DOCK10: variants seen among roughly 807,000 people sequenced by gnomAD.
DOCK10 encodes dedicator of cytokinesis protein 10.
DOCK10 carries 145 observed loss-of-function variants against 280.1 expected under a neutral mutation model. That is an observed-to-expected ratio of 0.52 (90% CI 0.45 to 0.59). The LOEUF (loss-of-function observed/expected upper bound fraction) is 0.59, where lower values mean the gene tolerates loss of function less well. DOCK10 is among the 20% of genes least tolerant of loss of function. The pLI, the probability that DOCK10 is intolerant of heterozygous loss-of-function variation, is 0.00. For missense variants in DOCK10, 2,368 were observed against 2,651.7 expected (o/e 0.89, Z 2.35); for synonymous variants, 915 against 942.2 (o/e 0.97, Z 0.53).
chr2:224,879,626 T>G (rs1698856519), intron 7 of DOCK10, among the ~76,000 whole-genome samples: 1 of 151,974 alleles, frequency 6.6e-6, no homozygotes, highest in Non-Finnish European at 1.5e-5. Context: ...GGCATGGTGG[T>G]GCATGCCTGT....
chr2:224,991,335 G>A (rs1041471830), intron 1 of DOCK10, among the ~76,000 whole-genome samples: 24 of 152,158 alleles, frequency 1.6e-4, no homozygotes, highest in African/African-American at 4.8e-4. Flanking sequence ...TTAATTCTCT[G>A]AGACTTATTT....
intron 11 of DOCK10, among the ~76,000 whole-genome samples, chr2:224,869,249 C>T (rs769398922): frequency 1.3e-5 from 2 of 152,152 alleles, no homozygotes; most frequent in African/African-American, 2.4e-5. Flanking sequence ...TTTTATACTA[C>T]AAAACCATCA....
chr2:224,793,905 C>T (rs995392664), intron 45 of DOCK10, among the ~76,000 whole-genome samples: 1 of 152,130 alleles, frequency 6.6e-6, no homozygotes, highest in Non-Finnish European at 1.5e-5. Context: ...ATGGTCACCT[C>T]ACGAGTACTT....
At chr2:224,797,781 T>C in intron 42 of DOCK10, 51 bp downstream of exon 42, 2 of 1,575,468 alleles carry the variant, frequency 1.3e-6, no homozygotes, top group South Asian at 1.2e-5. Context: ...TACTATTCTA[T>C]GGGTTTACTG....
intron 50 of DOCK10, chr2:224,784,784 G>A: frequency 7.8e-7 from 1 of 1,288,934 alleles, no homozygotes; most frequent in Non-Finnish European, 1.0e-6. Flanking sequence ...GTAAACATCT[G>A]CATTAAAAAC....
chr2:224,950,244 A>G (rs1703653074), intron 1 of DOCK10, among the ~76,000 whole-genome samples: 2 of 152,240 alleles, frequency 1.3e-5, no homozygotes, highest in African/African-American at 4.8e-5. Flanking sequence ...AAACATAACC[A>G]TACATTTCAG....
chr2:224,839,768 T>C (rs1387176698), intron 24 of DOCK10, among the ~76,000 whole-genome samples, 186 bp downstream of exon 24: 1 of 151,992 alleles, frequency 6.6e-6, no homozygotes, highest in African/African-American at 2.4e-5. Context: ...GAAAAAGAGG[T>C]CTAACACTTT....
In DOCK10 at chr2:224,931,654, C is replaced by T; in HGVS notation, c.138G>A (p.Arg46=). The change falls in exon 2 of 56, where the codon AGG becomes AGA. Residue 46 remains arginine (R), a synonymous_variant. Coordinates refer to ENST00000258390, the MANE Select transcript of DOCK10 (RefSeq NM_014689.3). The part of the protein sequence containing the change: ...SRQQQRQEKP[R]LLEPLDYETV... ...TCTCATAATCCAAAGGCTCGAGAAGCCTAGGCTTTTCTTGCTGTAGAAAAA... is the reference window on the plus strand; with the variant it reads ...TCTCATAATCCAAAGGCTCGAGAAGTCTAGGCTTTTCTTGCTGTAGAAAAA... 1 of 1,606,536 alleles carries T rather than the reference C, an allele frequency of 6.2e-7. No homozygotes were observed. Among genetic ancestry groups the T allele is most frequent in the Non-Finnish European group, 8.5e-7 (1 of 1,176,362 alleles).
At position 225,035,554 on chromosome 2, in the gene DOCK10, A is replaced by AT. The variant is rs1459295270; in HGVS notation, c.123+6697dup. Among the ~76,000 whole-genome samples the AT allele has an allele frequency of 1.2e-4, 3 of 25,242 alleles. 1 individual carries two copies. The highest frequency in any genetic ancestry group is 1.7e-3 in the South Asian group (1 of 602). 16.6% of individuals were successfully genotyped at this position (25,242 alleles called of 152,430 possible). ...GATATGATATATATTATATATATAT[A>AT]TATATATATATATATATATATATAT... is the stretch of plus-strand genomic sequence containing the variant. On this transcript the variant is annotated intron_variant, in intron 1 of 55. Coordinates refer to ENST00000258390, the MANE Select transcript of DOCK10 (RefSeq NM_014689.3).
At chr2:224,880,903 G>C (rs1375878793) in intron 7 of DOCK10, among the ~76,000 whole-genome samples, 1 of 151,756 alleles carries the variant, frequency 6.6e-6, no homozygotes, top group Non-Finnish European at 1.5e-5. Flanking sequence ...CCAGGTTTCT[G>C]GTATCGATGG....
intron 1 of DOCK10, among the ~76,000 whole-genome samples, chr2:225,000,940 C>T (rs1706414904): frequency 6.6e-6 from 1 of 152,216 alleles, no homozygotes; most frequent in Non-Finnish European, 1.5e-5. Context: ...CGTGCCACTG[C>T]ACTGTAGCCT....
chr2:224,919,582 A>T (rs1403505268), intron 2 of DOCK10, among the ~76,000 whole-genome samples: 1 of 147,508 alleles, frequency 6.8e-6, no homozygotes, highest in East Asian at 2.1e-4. Flanking sequence ...GTATGTGTGT[A>T]CATGTGTGAA....
chr2:224,904,373 C>G (rs1700469274), intron 3 of DOCK10, among the ~76,000 whole-genome samples: 1 of 152,048 alleles, frequency 6.6e-6, no homozygotes, highest in East Asian at 1.9e-4. Flanking sequence ...AACATACATA[C>G]AAATATTTTT....
chr2:224,802,060 A>T lies in DOCK10; in HGVS notation c.4269-20T>A. ...TGCATCCTGAAAACAAAAAAAGAAAAGTGGTTAGAGTTATTTGGGGATGTT... is the reference window on the plus strand; with the variant it reads ...TGCATCCTGAAAACAAAAAAAGAAATGTGGTTAGAGTTATTTGGGGATGTT... On this transcript the variant is annotated intron_variant, in intron 39 of 55. Coordinates refer to ENST00000258390, the MANE Select transcript of DOCK10 (RefSeq NM_014689.3). The T allele has an allele frequency of 6.2e-7, 1 of 1,609,762 alleles. No homozygotes were observed.
At chr2:224,915,931 C>T (rs1256736206) in intron 3 of DOCK10, among the ~76,000 whole-genome samples, 1 of 152,250 alleles carries the variant, frequency 6.6e-6, no homozygotes, top group Non-Finnish European at 1.5e-5. Context: ...CTATCAGTCC[C>T]TGATGTAGTT....
chr2:224,795,527 A>G (rs947787410), intron 44 of DOCK10, among the ~76,000 whole-genome samples: 1 of 152,190 alleles, frequency 6.6e-6, no homozygotes, highest in African/African-American at 2.4e-5. Context: ...AAAGAGATTC[A>G]GTTGTGGGAC....
intron 40 of DOCK10, among the ~76,000 whole-genome samples, chr2:224,801,613 C>G (rs1002858813): frequency 4.6e-5 from 7 of 152,140 alleles, no homozygotes; most frequent in Non-Finnish European, 1.0e-4. Context: ...TTATCCCCTC[C>G]CCACAGAGGA....
chr2:224,806,971 A>G (rs1456739017), intron 33 of DOCK10, among the ~76,000 whole-genome samples: 1 of 152,118 alleles, frequency 6.6e-6, no homozygotes, highest in African/African-American at 2.4e-5. Context: ...TTTCTAGTAC[A>G]CAATTTAATC....
intron 50 of DOCK10, among the ~76,000 whole-genome samples, chr2:224,779,605 T>A (rs1173625159): frequency 6.6e-6 from 1 of 152,130 alleles, no homozygotes; most frequent in East Asian, 1.9e-4. Flanking sequence ...AAAAAATCAG[T>A]TTTGACTATT....
Sources: gnomAD v4.1 joint callset for allele counts (sites outside exome capture counted in the v4.1 genomes callset) on GRCh38, gnomAD v4.1.1 for gene constraint, MANE v1.5 for transcripts, NCBI Gene and HGNC (gene_info 2026-07-23, HGNC 2026-07-21) for gene names.